The following R3HDM1 variants were observed in gnomAD, a reference collection of about 807,000 sequenced individuals.
R3HDM1 encodes R3H domain containing 1, also known as R3H domain-containing protein 1.
In R3HDM1, 46 loss-of-function variants were observed where a neutral mutation model predicts 141.1. The ratio of observed to expected loss-of-function variants is 0.33; its 90% confidence interval spans 0.26 to 0.42. The LOEUF (loss-of-function observed/expected upper bound fraction) is 0.42. Among genes scored for constraint, R3HDM1 ranks in the 10% least tolerant of loss-of-function variants. The probability of loss-of-function intolerance (pLI) is 1.00; values close to 1 mark genes in which losing one functional copy is unlikely to be tolerated. For missense variants in R3HDM1, 1,184 were observed against 1,368.3 expected, an observed-to-expected ratio of 0.87 and a Z score of 2.12; for synonymous variants, 435 against 472.9, an observed-to-expected ratio of 0.92 and a Z score of 1.04.
intron 5 of R3HDM1, among the ~76,000 whole-genome samples, chr2:135,620,899 A>G (rs2061455747): frequency 6.6e-6 from 1 of 152,064 alleles, no homozygotes; most frequent in African/African-American, 2.4e-5. Flanking sequence ...TAAGGATACA[A>G]TTTTGTTTGA....
intron 3 of R3HDM1, among the ~76,000 whole-genome samples, chr2:135,614,655 T>C (rs1420767232): frequency 6.6e-6 from 1 of 152,230 alleles, no homozygotes; most frequent in Non-Finnish European, 1.5e-5. Context: ...CCTTTCCTTT[T>C]AGAATTTTTA....
At chr2:135,559,273 A>G (rs1179806769) in intron 1 of R3HDM1, 1 of 154,504 alleles carries the variant, frequency 6.5e-6, no homozygotes, top group African/African-American at 2.4e-5. Flanking sequence ...CACCACATCC[A>G]GCTAATTTAA....
At chr2:135,653,349 C>T (rs1206466877) in intron 18 of R3HDM1, among the ~76,000 whole-genome samples, 1 of 152,020 alleles carries the variant, frequency 6.6e-6, no homozygotes, top group Non-Finnish European at 1.5e-5. Flanking sequence ...GAGCAAGACT[C>T]CATCTCAAAA....
intron 16 of R3HDM1, among the ~76,000 whole-genome samples, chr2:135,648,838 T>C (rs1045581284): frequency 1.3e-5 from 2 of 151,876 alleles, no homozygotes; most frequent in Non-Finnish European, 2.9e-5. Context: ...CCCTTTTTTT[T>C]CCTGAAACTC....
At chr2:135,622,603 G>A (rs777904767) in intron 6 of R3HDM1, 51 bp from the exon 7 acceptor site, 1 of 1,527,738 alleles carries the variant, frequency 6.5e-7, no homozygotes, top group Non-Finnish European at 8.8e-7. Context: ...AAGGGAATGG[G>A]ACTTGTTTTC....
intron 1 of R3HDM1, among the ~76,000 whole-genome samples, chr2:135,540,168 A>G (rs1172227364): frequency 6.6e-6 from 1 of 152,198 alleles, no homozygotes; most frequent in Non-Finnish European, 1.5e-5. Context: ...CTCATCCGTA[A>G]TCATGAACAA....
intron 24 of R3HDM1, chr2:135,721,692 G>GT (rs2076711924): frequency 2.6e-6 from 1 of 379,604 alleles, no homozygotes; most frequent in African/African-American, 2.1e-5. Context: ...AGTTCAAGCA[G>GT]TTCTCATGCC....
At chr2:135,549,542 CAA>C (rs1421718874) in intron 1 of R3HDM1, among the ~76,000 whole-genome samples, 1 of 102,668 alleles carries the variant, frequency 9.7e-6, no homozygotes, top group South Asian at 2.9e-4. Flanking sequence ...GCCTGGGTGA[CAA>C]GAGCGAAACT....
At chr2:135,549,657 A>G (rs1164904044) in intron 1 of R3HDM1, among the ~76,000 whole-genome samples, 2 of 151,890 alleles carry the variant, frequency 1.3e-5, no homozygotes, top group Non-Finnish European at 2.9e-5. Context: ...CCCAGCTTAT[A>G]TAGTTCCTTT....
At chr2:135,642,825 T>C (rs752002419) in intron 15 of R3HDM1, among the ~76,000 whole-genome samples, 1 of 152,208 alleles carries the variant, frequency 6.6e-6, no homozygotes, top group Non-Finnish European at 1.5e-5. Flanking sequence ...AGACGAAGTA[T>C]GCAAACATTT....
intron 1 of R3HDM1, among the ~76,000 whole-genome samples, chr2:135,565,165 T>C (rs1239858992): frequency 6.6e-6 from 1 of 152,028 alleles, no homozygotes; most frequent in Non-Finnish European, 1.5e-5. Flanking sequence ...TTCCTGGTCT[T>C]CCTGGATCAA....
chr2:135,532,938 T>G (rs1039158108), intron 1 of R3HDM1, among the ~76,000 whole-genome samples: 2 of 152,250 alleles, frequency 1.3e-5, no homozygotes, highest in African/African-American at 4.8e-5. Flanking sequence ...ATAACTGTGA[T>G]CAGAGATAAA....
chr2:135,669,367 T>G (rs1028433522), intron 19 of R3HDM1: 3 of 985,202 alleles, frequency 3.0e-6, no homozygotes, highest in Admixed American at 6.2e-5. Flanking sequence ...CTATTTTGAA[T>G]AACATGCTTA....
In R3HDM1 at chr2:135,594,456, C is replaced by T. The variant is rs535768899; in HGVS notation, c.-249-8044C>T. ...GCCCTCAGTCAAAGAATTAGAGATACCCCCAGTCTTGTAGTTTACAGACTT... is the reference window on the plus strand; with the variant it reads ...GCCCTCAGTCAAAGAATTAGAGATATCCCCAGTCTTGTAGTTTACAGACTT... On this transcript the variant is annotated intron_variant, in intron 1 of 26. Transcript: ENST00000683871. 2.6e-5 allele frequency among the ~76,000 whole-genome samples: 4 copies of T among 152,092 alleles called. No homozygotes were observed. The South Asian group carries it at 8.3e-4, about 32-fold the overall frequency.
intron 5 of R3HDM1, among the ~76,000 whole-genome samples, chr2:135,617,169 AC>A (rs1371353719): frequency 1.1e-4 from 17 of 152,186 alleles, no homozygotes; most frequent in African/African-American, 3.6e-4. Flanking sequence ...TAAAAAAAAT[AC>A]AAAAAAATTA....
chr2:135,716,384 A>T (rs1233648389), intron 24 of R3HDM1, among the ~76,000 whole-genome samples: 1 of 152,220 alleles, frequency 6.6e-6, no homozygotes, highest in African/African-American at 2.4e-5. Context: ...TTGGTGTATA[A>T]AGATGAATAA....
intron 23 of R3HDM1, among the ~76,000 whole-genome samples, chr2:135,713,427 T>C (rs902105682): frequency 2.0e-5 from 3 of 152,230 alleles, no homozygotes; most frequent in African/African-American, 4.8e-5. Context: ...GAATGCACTT[T>C]GGAGACATTT....
At chr2:135,621,793 C>G in intron 6 of R3HDM1, 185 bp downstream of exon 6, 1 of 962,294 alleles carries the variant, frequency 1.0e-6, no homozygotes, top group South Asian at 4.9e-5. Flanking sequence ...ATCAGTAAGA[C>G]GTTTCAGCCA....
rs542445539 is a variant in R3HDM1 at position 135,637,636 on chromosome 2, ACT to A, written c.904-979_904-978del. Among the ~76,000 whole-genome samples the A allele has an allele frequency of 1.7e-4, 26 of 152,226 alleles. No homozygotes were observed. In the South Asian group the frequency reaches 5.4e-3, roughly 32 times the overall value. ...GCACTCCAGCCTGGGTGACAGAGTG[ACT>A]CTGTCTCAAAAGATTCAGAGTAGCC... On this transcript the variant is annotated intron_variant, in intron 11 of 26. Coordinates refer to ENST00000683871, the MANE Select transcript of R3HDM1 (RefSeq NM_001378107.1).
Sources: allele counts gnomAD v4.1 joint callset (sites outside exome capture counted in the v4.1 genomes callset), GRCh38; gene constraint gnomAD v4.1.1; transcripts MANE v1.5; gene names NCBI Gene and HGNC (gene_info 2026-07-23, HGNC 2026-07-21).